CACNA1S: variants seen among roughly 807,000 people sequenced by gnomAD.
The protein encoded by CACNA1S is calcium voltage-gated channel subunit alpha1 S, also known as voltage-dependent L-type calcium channel subunit alpha-1S.
CACNA1S carries 126 observed loss-of-function variants against 207.4 expected under a neutral mutation model. That is an observed-to-expected ratio of 0.61 (90% CI 0.53 to 0.70). The LOEUF (loss-of-function observed/expected upper bound fraction) is 0.70. CACNA1S is among the 30% of genes least tolerant of loss of function. The probability of loss-of-function intolerance (pLI) is 0.00; values close to 1 mark genes in which losing one functional copy is unlikely to be tolerated. For missense variants in CACNA1S, 2,349 were observed against 2,422.8 expected (o/e 0.97, Z 0.64); for synonymous variants, 960 against 932.7 (o/e 1.03, Z -0.53).
In CACNA1S at chr1:201,060,543, G is replaced by T. The variant is rs537992178; in HGVS notation, c.3414+115C>A. 3.5e-6 allele frequency: 4 copies of T among 1,146,700 alleles called. No homozygotes were observed. The African/African-American group carries it at 6.1e-5, about 17-fold the overall frequency. The allele number at this position is 1,146,700 out of a possible 1,614,324, so 71.0% of individuals were successfully genotyped here. A position where few individuals can be genotyped will look rare whatever the true frequency, so the allele number is the denominator to read the frequency against. ...ATTCCATGTAGCACCTCAGCACACA[G>T]TGCACAAGAAATGTCTACTGGGGGG... On this transcript the variant is annotated intron_variant, in intron 26 of 43. Coordinates refer to ENST00000362061, the MANE Select transcript of CACNA1S (RefSeq NM_000069.3).
chr1:201,110,024 A>C, intron 2 of CACNA1S, 140 bp downstream of exon 2: 1 of 781,160 alleles, frequency 1.3e-6, no homozygotes, highest in East Asian at 2.5e-5. Flanking sequence ...CCAGCCCTGC[A>C]GGTGGCTGGG....
At chr1:201,097,992 T>C (rs1662500769) in intron 2 of CACNA1S, among the ~76,000 whole-genome samples, 1 of 152,224 alleles carries the variant, frequency 6.6e-6, no homozygotes, top group Non-Finnish European at 1.5e-5. Context: ...GGTCACTTTA[T>C]CACTGAGACC....
chr1:201,112,177 C>T lies in CACNA1S; in HGVS notation c.152+11G>A. The T allele has an allele frequency of 6.2e-7, 1 of 1,611,740 alleles. No individual in the cohort carries two copies. The highest frequency in any genetic ancestry group is 8.5e-7 in the Non-Finnish European group (1 of 1,178,316). ...CACACCCCCCCCCACGGCCCGGGCC[C>T]TGAAGGATACTTCCATTCTACAATG... On this transcript the variant is annotated intron_variant, in intron 1 of 43. Coordinates refer to ENST00000362061, the MANE Select transcript of CACNA1S (RefSeq NM_000069.3).
At chr1:201,061,601 A>G (rs1661053521) in intron 24 of CACNA1S, 133 bp from the exon 25 acceptor site, 3 of 868,598 alleles carry the variant, frequency 3.5e-6, no homozygotes, top group Non-Finnish European at 3.5e-6. Flanking sequence ...GTTACGGGAC[A>G]GGAGTTAGGT....
intron 13 of CACNA1S, 151 bp from the exon 14 acceptor site, chr1:201,074,771 C>T (rs2102138914): frequency 1.4e-6 from 1 of 706,704 alleles, no homozygotes; most frequent in Non-Finnish European, 2.6e-6. Flanking sequence ...AGTGGAAGGC[C>T]CTCAGGGAAG....
At chr1:201,052,207 C>T (rs1056232775) in intron 32 of CACNA1S, among the ~76,000 whole-genome samples, 9 of 152,240 alleles carry the variant, frequency 5.9e-5, no homozygotes, top group Non-Finnish European at 2.9e-5. Flanking sequence ...CCTTTCCCTG[C>T]ATTCCTGCTC....
At chr1:201,043,206 C>T in intron 40 of CACNA1S, 75 bp downstream of exon 40, 2 of 1,604,174 alleles carry the variant, frequency 1.2e-6, no homozygotes, top group Non-Finnish European at 1.7e-6. Context: ...GTACCCTCTT[C>T]CAATCCAACC....
At chr1:201,079,290 G>A (rs1478833528) in intron 10 of CACNA1S, among the ~76,000 whole-genome samples, 1 of 151,832 alleles carries the variant, frequency 6.6e-6, no homozygotes, top group East Asian at 1.9e-4. Flanking sequence ...CTACCTGGAT[G>A]CACCCTCACT....
intron 28 of CACNA1S, among the ~76,000 whole-genome samples, chr1:201,055,453 T>C (rs1239693246): frequency 6.6e-6 from 1 of 152,226 alleles, no homozygotes; most frequent in Non-Finnish European, 1.5e-5. Flanking sequence ...GAAGTTTAAA[T>C]GCACCCCAGG....
At position 201,083,193 on chromosome 1, in the gene CACNA1S, G is replaced by A. The variant is rs1378941281; in HGVS notation, c.1362C>T (p.His454=). 1 of 1,614,200 alleles carries A rather than the reference G, an allele frequency of 6.2e-7. No homozygotes were observed. The highest frequency in any genetic ancestry group is 8.5e-7 in the Non-Finnish European group (1 of 1,180,038). The stretch of plus-strand genomic sequence containing the variant: ...AACGGGTCAGCCAGAGAGGCTGGTT[G>A]TGGTGCTCTGAGGCGATAGACAGGG... ...LNTLSIASEH[H]NQPLWLTRLQ... Residue 454 remains histidine (H), a synonymous_variant, in exon 10 of 44, where the codon CAC becomes CAT. Coordinates refer to ENST00000362061, the MANE Select transcript of CACNA1S (RefSeq NM_000069.3).
chr1:201,106,683 C>T (rs1215468478), intron 2 of CACNA1S, among the ~76,000 whole-genome samples: 1 of 152,126 alleles, frequency 6.6e-6, no homozygotes, highest in Non-Finnish European at 1.5e-5. Context: ...ACAAGCGCCT[C>T]CTCCTAATCT....
At chr1:201,078,290 T>C (rs973403056) in intron 10 of CACNA1S, among the ~76,000 whole-genome samples, 186 bp from the exon 11 acceptor site, 1 of 152,100 alleles carries the variant, frequency 6.6e-6, no homozygotes, top group Admixed American at 6.5e-5. Context: ...GGCACAATTA[T>C]GGCACACTGC....
rs777920946 is a variant in CACNA1S at position 201,092,010 on chromosome 1, C to A, written c.503G>T (p.Arg168Leu). 5.6e-6 allele frequency: 9 copies of A among 1,614,146 alleles called. No individual in the cohort carries two copies. The East Asian group carries it at 2.0e-4, about 36-fold the overall frequency. The change falls in exon 4 of 44, where the codon CGA (arginine) becomes CTA (leucine). Residue 168 changes from arginine (R) to leucine (L), a missense_variant. Coordinates refer to ENST00000362061, the MANE Select transcript of CACNA1S (RefSeq NM_000069.3). ...CACCAGCCGGAGGGGTCTGAGCACT[C>A]GGAAGGCTCTGAGGGCCTTGACATC... ...GLDVKALRAF[R>L]VLRPLRLVSG...
Position 201,040,626 on chromosome 1 carries a change from CA to C in CACNA1S, c.5221del (p.Cys1741AlafsTer47), listed in dbSNP as rs1558048860. 1 of 1,613,566 alleles carries C rather than the reference CA, an allele frequency of 6.2e-7. No homozygotes were observed. Among genetic ancestry groups the C allele is most frequent in the Non-Finnish European group, 8.5e-7 (1 of 1,179,702 alleles). ...CCAGGCCTCTGCCACTGTTACCTGG[CA>C]GGGGGCAGGAGGTGCCTGGCCTCTG... ...MPRGQAPPAP[C>X]QCPRVESSMP... On this transcript the variant is annotated frameshift_variant, in exon 42 of 44. Coordinates refer to ENST00000362061, the MANE Select transcript of CACNA1S (RefSeq NM_000069.3). LOFTEE classifies it high-confidence loss of function.
At position 201,060,832 on chromosome 1, in the gene CACNA1S, C is replaced by T. The variant is rs200071544; in HGVS notation, c.3256-16G>A. ...CACATTGGCGCTGTGACACATACAA[C>T]AGGACAGGTCAGCACCAAGAGGCCC... is the stretch of plus-strand genomic sequence containing the variant. On this transcript the variant is annotated splice_polypyrimidine_tract_variant and intron_variant, in intron 25 of 43. Transcript: ENST00000362061. 42 of 1,614,010 alleles carry T rather than the reference C, an allele frequency of 2.6e-5. No individual in the cohort carries two copies. The highest frequency in any genetic ancestry group is 2.2e-4 in the Admixed American group (13 of 60,034).
At chr1:201,074,372 A>G in intron 14 of CACNA1S, 134 bp downstream of exon 14, 1 of 705,084 alleles carries the variant, frequency 1.4e-6, no homozygotes, top group Non-Finnish European at 2.6e-6. Context: ...AGGTTACAGA[A>G]GTTTGCCCAC....
At chr1:201,105,099 G>A (rs531855630) in intron 2 of CACNA1S, among the ~76,000 whole-genome samples, 5 of 152,250 alleles carry the variant, frequency 3.3e-5, no homozygotes, top group Non-Finnish European at 7.3e-5. Flanking sequence ...GATCAGGAAA[G>A]CCATTAAGAA....
chr1:201,101,043 T>G (rs1455982316), intron 2 of CACNA1S, among the ~76,000 whole-genome samples: 1 of 136,406 alleles, frequency 7.3e-6, no homozygotes, highest in Admixed American at 7.2e-5. Flanking sequence ...GCGTTTTACA[T>G]TTCTTTATTT....
intron 2 of CACNA1S, among the ~76,000 whole-genome samples, chr1:201,104,005 GCCCTGCCCTCGAGGAGA>G (rs1662787347): frequency 6.6e-6 from 1 of 152,146 alleles, no homozygotes; most frequent in Admixed American, 6.5e-5. Flanking sequence ...GCCCTGCCCT[GCCCTGCCCTCGAGGAGA>G]GCAGGCACCA....
Sources: gnomAD v4.1 joint callset for allele counts (sites outside exome capture counted in the v4.1 genomes callset) on GRCh38, gnomAD v4.1.1 for gene constraint, MANE v1.5 for transcripts, NCBI Gene and HGNC (gene_info 2026-07-23, HGNC 2026-07-21) for gene names.